The following ASAP1 variants were observed in gnomAD, a reference collection of about 807,000 sequenced individuals.
ASAP1 encodes the protein ArfGAP with SH3 domain, ankyrin repeat and PH domain 1.
In ASAP1, 43 loss-of-function variants were observed where a neutral mutation model predicts 145.2. The observed-to-expected ratio is 0.30, with a 90% confidence interval of 0.23 to 0.38. The LOEUF is 0.38. Among genes scored for constraint, ASAP1 ranks in the 10% least tolerant of loss-of-function variants. The pLI is 1.00. For synonymous variants in ASAP1, 546 were observed against 515.5 expected, an observed-to-expected ratio of 1.06 and a Z score of -0.80; for missense variants, 1,018 against 1,355.3, an observed-to-expected ratio of 0.75 and a Z score of 3.91.
At chr8:130,164,384 G>A (rs2097675812) in intron 11 of ASAP1, among the ~76,000 whole-genome samples, 1 of 152,118 alleles carries the variant, frequency 6.6e-6, no homozygotes, top group Non-Finnish European at 1.5e-5. Context: ...CACTTGAGGA[G>A]TTCGAGACCA....
rs368665180 is a variant in ASAP1, at chr8:130,112,057, C to T, written c.2401+37G>A. 22 of 1,572,924 alleles carry T rather than the reference C, an allele frequency of 1.4e-5. No individual in the cohort carries two copies. The East Asian group carries it at 1.8e-4, about 13-fold the overall frequency. ...TCTGAGGATGGAGTCACAAGCCCTT[C>T]GAGGATGGAGTCACAAGCCCTTCTC... is the stretch of plus-strand genomic sequence containing the variant. On this transcript the variant is annotated intron_variant, in intron 24 of 29. Transcript: ENST00000518721.
chr8:130,190,017 T>C (rs964248252), intron 5 of ASAP1, among the ~76,000 whole-genome samples: 2 of 152,218 alleles, frequency 1.3e-5, no homozygotes, highest in Admixed American at 6.5e-5. Flanking sequence ...TATGAGTTAT[T>C]TGAGATCCTT....
intron 25 of ASAP1, among the ~76,000 whole-genome samples, chr8:130,087,832 C>A (rs993081940): frequency 1.3e-5 from 2 of 152,200 alleles, no homozygotes; most frequent in Non-Finnish European, 2.9e-5. Context: ...CCCTGTGAAT[C>A]TGGAGGAGGA....
At chr8:130,149,759 A>G (rs766790834) in intron 13 of ASAP1, among the ~76,000 whole-genome samples, 6 of 152,278 alleles carry the variant, frequency 3.9e-5, no homozygotes, top group Non-Finnish European at 7.3e-5. Context: ...ATTCTAATCA[A>G]TGGTGTTTGC....
chr8:130,116,887 C>T lies in ASAP1; in HGVS notation c.1989G>A (p.Val663=). The change falls in exon 21 of 30, where the codon GTG becomes GTA. Residue 663 remains valine, a synonymous_variant. Transcript: ENST00000518721. ...CACTAGACACACTCTTACCTATATC[C>T]ACAGTGGGCTTGCTCCTGAGCAAAA... is the stretch of plus-strand genomic sequence containing the variant. ...LKLLLRSKPT[V]DIVNQAGETA... 7 of 1,613,082 alleles carry T rather than the reference C, an allele frequency of 4.3e-6. No individual in the cohort carries two copies. The highest frequency in any genetic ancestry group is 5.9e-6 in the Non-Finnish European group (7 of 1,179,170).
At chr8:130,134,546 C>G (rs1486393844) in intron 14 of ASAP1, among the ~76,000 whole-genome samples, 1 of 151,606 alleles carries the variant, frequency 6.6e-6, no homozygotes, top group East Asian at 1.9e-4. Context: ...CATATTTTTA[C>G]AGAAAAAAAA....
At chr8:130,382,202 T>C (rs1049328196) in intron 2 of ASAP1, among the ~76,000 whole-genome samples, 2 of 138,764 alleles carry the variant, frequency 1.4e-5, no homozygotes, top group Non-Finnish European at 3.0e-5. Context: ...AGGAGAATGG[T>C]GTGAACCCAG....
At chr8:130,175,143 T>C (rs530686202) in intron 9 of ASAP1, among the ~76,000 whole-genome samples, 1 of 152,300 alleles carries the variant, frequency 6.6e-6, no homozygotes, top group East Asian at 1.9e-4. Flanking sequence ...AAGTGCTATT[T>C]CATTGAGGTT....
At chr8:130,115,390 G>A (rs183207211) in intron 23 of ASAP1, among the ~76,000 whole-genome samples, 1 of 152,282 alleles carries the variant, frequency 6.6e-6, no homozygotes, top group African/African-American at 2.4e-5. Flanking sequence ...AATCATGTGA[G>A]CCAATTCCTT....
At chr8:130,207,541 T>C (rs894555857) in intron 5 of ASAP1, among the ~76,000 whole-genome samples, 2 of 151,958 alleles carry the variant, frequency 1.3e-5, no homozygotes, top group African/African-American at 4.8e-5. Flanking sequence ...ACAGAATGAA[T>C]CATAAATGAA....
At position 130,114,114 on chromosome 8, in the gene ASAP1, G is replaced by A. The variant is rs375257287; in HGVS notation, c.2172+1514C>T. 7.2e-5 allele frequency among the ~76,000 whole-genome samples: 11 copies of A among 152,250 alleles called. No homozygotes were observed. The East Asian group carries it at 1.5e-3, about 21-fold the overall frequency. On this transcript the variant is annotated intron_variant, in intron 23 of 29. Coordinates refer to ENST00000518721, the MANE Select transcript of ASAP1 (RefSeq NM_018482.4). Reference sequence around the variant, plus strand: ...TTCAATAAAGATGATCTGAGATAACGTAAGTGCTTAAATCTGTCTAATCCA... The same window carrying A: ...TTCAATAAAGATGATCTGAGATAACATAAGTGCTTAAATCTGTCTAATCCA...
At chr8:130,402,005 T>A in intron 1 of ASAP1, 35 bp from the exon 2 acceptor site, 1 of 1,446,282 alleles carries the variant, frequency 6.9e-7, no homozygotes, top group Non-Finnish European at 9.6e-7. Flanking sequence ...GGGACAAGAG[T>A]CATCCGGTGA....
chr8:130,173,910 TA>T (rs964564468), intron 9 of ASAP1, among the ~76,000 whole-genome samples: 156 of 140,930 alleles, frequency 1.1e-3, no homozygotes, highest in Non-Finnish European at 2.0e-3. Flanking sequence ...TTGTCTCTAC[TA>T]AAAAAAAAAG....
intron 12 of ASAP1, among the ~76,000 whole-genome samples, chr8:130,158,810 C>T (rs377026288): frequency 8.0e-4 from 121 of 152,008 alleles, no homozygotes; most frequent in African/African-American, 2.7e-3. Flanking sequence ...CAGCTCACTG[C>T]AAGCTCTGCC....
intron 2 of ASAP1, among the ~76,000 whole-genome samples, chr8:130,385,272 C>G (rs553335713): frequency 6.6e-6 from 1 of 152,226 alleles, no homozygotes; most frequent in African/African-American, 2.4e-5. Context: ...TCCAGACCAG[C>G]CTGGCCAACA....
chr8:130,327,018 C>T (rs754527171), intron 3 of ASAP1, among the ~76,000 whole-genome samples: 8 of 152,224 alleles, frequency 5.3e-5, no homozygotes, highest in Middle Eastern at 3.4e-3. Context: ...GGATGAATGC[C>T]CCCAGGAGGC....
At chr8:130,268,519 ACACACACACACACAC>A (rs1486301580) in intron 3 of ASAP1, among the ~76,000 whole-genome samples, 2 of 151,584 alleles carry the variant, frequency 1.3e-5, no homozygotes, top group African/African-American at 4.9e-5. Context: ...ACACACACAC[ACACACACACACACAC>A]AACTGTGTAA....
chr8:130,307,821 G>T (rs768094285), intron 3 of ASAP1, among the ~76,000 whole-genome samples: 16 of 152,320 alleles, frequency 1.1e-4, no homozygotes, highest in Admixed American at 4.6e-4. Flanking sequence ...GGCGGAGCTT[G>T]AAATCAGGAA....
chr8:130,419,962 T>A (rs1465559406), intron 1 of ASAP1, among the ~76,000 whole-genome samples: 1 of 151,810 alleles, frequency 6.6e-6, no homozygotes, highest in Non-Finnish European at 1.5e-5. Flanking sequence ...CTTCTTTTTT[T>A]TTTTTTTAAT....
Sources: allele counts gnomAD v4.1 joint callset (sites outside exome capture counted in the v4.1 genomes callset), GRCh38; gene constraint gnomAD v4.1.1; transcripts MANE v1.5; gene names NCBI Gene and HGNC (gene_info 2026-07-23, HGNC 2026-07-21).